Variants in ERAP1 observed in about 807,000 individuals in gnomAD.
The protein encoded by ERAP1 is adipocyte-derived leucine aminopeptidase.
Under a neutral mutation model 103.7 loss-of-function variants are expected in ERAP1, and 86 were observed. The ratio of observed to expected loss-of-function variants is 0.83; its 90% CI spans 0.70 to 0.99. ERAP1 has a LOEUF of 0.99. Ranked by LOEUF, ERAP1 falls within the 50% of genes least tolerant of loss-of-function variation. ERAP1 has a pLI of 0.00. For missense variants in ERAP1, 1,009 were observed against 1,128.4 expected (o/e 0.89, Z 1.52); for synonymous variants, 398 against 402.4 (o/e 0.99, Z 0.13).
At chr5:96,880,105 G>C in the ERAP1 span, 17 of 1,614,130 alleles carry the variant, frequency 1.1e-5, no homozygotes, top group Non-Finnish European at 1.4e-5. Flanking sequence ...TGAAAGTTTT[G>C]AGTTACCCTG....
the ERAP1 span, among the ~76,000 whole-genome samples, chr5:96,874,302 A>T: frequency 2.0e-5 from 3 of 152,220 alleles, no homozygotes; most frequent in African/African-American, 7.2e-5. Flanking sequence ...CTGCAGCTCA[A>T]TTCCATAGCC....
chr5:96,786,088 C>T, intron 12 of ERAP1, 117 bp from the exon 13 acceptor site: 5 of 947,368 alleles, frequency 5.3e-6, no homozygotes, highest in Non-Finnish European at 8.2e-6. Context: ...AATTTGAAAA[C>T]ATCACTTATT....
chr5:96,782,837 C>A (rs1328930754), intron 15 of ERAP1, among the ~76,000 whole-genome samples: 3 of 152,098 alleles, frequency 2.0e-5, no homozygotes, highest in Non-Finnish European at 2.9e-5. Context: ...TCCTAACTCC[C>A]CAGATATTTG....
At chr5:96,838,762 G>A in the ERAP1 span, among the ~76,000 whole-genome samples, 1 of 152,148 alleles carries the variant, frequency 6.6e-6, no homozygotes, top group Non-Finnish European at 1.5e-5. Context: ...CTAGGTTTGA[G>A]CTCCAAACAA....
the ERAP1 span, chr5:96,876,178 C>T: frequency 1.3e-5 from 2 of 152,514 alleles, no homozygotes; most frequent in African/African-American, 4.8e-5. Flanking sequence ...AGTTCAAGAT[C>T]AATTCCTAAG....
At chr5:96,881,385 G>A in the ERAP1 span, 3 of 455,574 alleles carry the variant, frequency 6.6e-6, no homozygotes, top group Admixed American at 4.7e-5. Flanking sequence ...AGAGATTGCT[G>A]ACATATTGGT....
chr5:96,922,409 CTTT>C, the ERAP1 span, among the ~76,000 whole-genome samples: 2 of 152,298 alleles, frequency 1.3e-5, no homozygotes, highest in South Asian at 4.1e-4. Flanking sequence ...AAAGAACACT[CTTT>C]TAAAACTCAA....
chr5:96,771,954 C>T, downstream of ERAP1: 1 of 300,228 alleles, frequency 3.3e-6, no homozygotes, highest in South Asian at 9.5e-5. Context: ...TTAGGCCAGG[C>T]ACTTAGAATG....
chr5:96,783,337 G>A (rs1047673030), intron 14 of ERAP1, 102 bp from the exon 15 acceptor site: 5 of 1,089,816 alleles, frequency 4.6e-6, no homozygotes, highest in Non-Finnish European at 6.6e-6. Context: ...AATTTTTAAA[G>A]CATAATCTAA....
chr5:96,849,315 C>A, the ERAP1 span, among the ~76,000 whole-genome samples: 1 of 152,030 alleles, frequency 6.6e-6, no homozygotes, highest in Non-Finnish European at 1.5e-5. Context: ...AAATATGAAA[C>A]AATTAAATGA....
chr5:96,794,683 C>G (rs200276202), intron 5 of ERAP1, among the ~76,000 whole-genome samples: 3 of 152,286 alleles, frequency 2.0e-5, no homozygotes, highest in South Asian at 2.1e-4. Context: ...TAAATTTATT[C>G]ATTCAAAACA....
intron 19 of ERAP1, chr5:96,765,336 A>G: frequency 9.9e-7 from 1 of 1,014,952 alleles, no homozygotes; most frequent in African/African-American, 2.3e-5. Flanking sequence ...GTAAAAAAAA[A>G]AAAAAAAAAA....
chr5:96,868,685 A>G, the ERAP1 span, among the ~76,000 whole-genome samples: 1 of 151,866 alleles, frequency 6.6e-6, no homozygotes, highest in Admixed American at 6.6e-5. Flanking sequence ...TAAAATACAG[A>G]TTTCTAGACG....
the ERAP1 span, chr5:96,889,117 G>T: frequency 6.3e-7 from 1 of 1,588,662 alleles, no homozygotes; most frequent in Non-Finnish European, 8.6e-7. Flanking sequence ...TGTGTGAGAG[G>T]GTTATCAGGA....
chr5:96,856,365 T>TATATATATATATATATATAGAG, the ERAP1 span, among the ~76,000 whole-genome samples: 35 of 20,362 alleles, frequency 1.7e-3, 1 homozygote, highest in Non-Finnish European at 2.8e-3. Flanking sequence ...TATATATATA[T>TATATATATATATATATATAGAG]AGAGAGAGAG....
chr5:96,909,520 C>A, the ERAP1 span: 1 of 1,374,128 alleles, frequency 7.3e-7, no homozygotes, highest in Admixed American at 1.7e-5. Flanking sequence ...TTTAGATGGG[C>A]AAGAACTGTG....
chr5:96,915,075 T>C, the ERAP1 span, among the ~76,000 whole-genome samples: 128 of 152,266 alleles, frequency 8.4e-4, no homozygotes, highest in African/African-American at 3.0e-3. Context: ...TGGCGCCATG[T>C]TGGCTCACTG....
At chr5:96,879,167 T>C in the ERAP1 span, among the ~76,000 whole-genome samples, 1 of 152,174 alleles carries the variant, frequency 6.6e-6, no homozygotes, top group Non-Finnish European at 1.5e-5. Flanking sequence ...TGCAGTGAGC[T>C]GTGATCATGA....
chr5:96,851,251 T>G, the ERAP1 span, among the ~76,000 whole-genome samples: 1 of 152,196 alleles, frequency 6.6e-6, no homozygotes, highest in South Asian at 2.1e-4. Flanking sequence ...TTCTAGGCAA[T>G]AATTCTGTCC....
Sources: gnomAD v4.1 joint callset for allele counts (sites outside exome capture counted in the v4.1 genomes callset) on GRCh38, gnomAD v4.1.1 for gene constraint, MANE v1.5 for transcripts, NCBI Gene and HGNC (gene_info 2026-07-23, HGNC 2026-07-21) for gene names.